Variants in NLGN4Y observed in about 807,000 individuals in gnomAD.
NLGN4Y encodes neuroligin-4, Y-linked.
In NLGN4Y, 4 loss-of-function variants were observed where a neutral mutation model predicts 8.4. The ratio of observed to expected loss-of-function variants is 0.48; its 90% confidence interval spans 0.23 to 1.09. The LOEUF (loss-of-function observed/expected upper bound fraction) is 1.09, where lower values mean the gene tolerates loss of function less well. NLGN4Y is among the 50% of genes least tolerant of loss of function. NLGN4Y has a pLI of 0.19. For synonymous variants in NLGN4Y, 35 were observed against 75.6 expected (o/e 0.46, Z 2.78); for missense variants, 90 against 192.3 (o/e 0.47, Z 3.15).
chrY:14,693,274 C>A (rs767328859), intron 2 of NLGN4Y, among the ~76,000 whole-genome samples: 104 of 33,055 alleles, frequency 3.1e-3, no homozygotes, highest in Non-Finnish European at 5.4e-3. Flanking sequence ...ACAACCTGAA[C>A]TGTGGTTGCT....
intron 2 of NLGN4Y, among the ~76,000 whole-genome samples, chrY:14,631,765 C>A: frequency 3.0e-5 from 1 of 33,874 alleles, no homozygotes; most frequent in Admixed American, 2.7e-4. Context: ...TTCCTACTTA[C>A]AAACACTGCT....
chrY:14,578,443 C>T, intron 1 of NLGN4Y, among the ~76,000 whole-genome samples: 1 of 33,125 alleles, frequency 3.0e-5, no homozygotes, highest in African/African-American at 1.2e-4. Flanking sequence ...CACAAATACC[C>T]GAGATTGGAT....
chrY:14,644,079 A>G, intron 2 of NLGN4Y, among the ~76,000 whole-genome samples: 1 of 33,145 alleles, frequency 3.0e-5, no homozygotes, highest in Non-Finnish European at 7.4e-5. Context: ...GTTGTTTGTT[A>G]ATGTTTGTTT....
chrY:14,604,971 T>G, intron 1 of NLGN4Y, among the ~76,000 whole-genome samples: 1 of 33,686 alleles, frequency 3.0e-5, no homozygotes. Context: ...TTTATTACCT[T>G]GAACATATTC....
intron 4 of NLGN4Y, among the ~76,000 whole-genome samples, chrY:14,771,973 AG>A (rs2081109215): frequency 3.0e-5 from 1 of 33,453 alleles, no homozygotes; most frequent in Admixed American, 2.7e-4. Context: ...AAAGGTCTAA[AG>A]TCAACAACCT....
chrY:14,784,393 G>A, intron 4 of NLGN4Y, among the ~76,000 whole-genome samples: 1 of 33,500 alleles, frequency 3.0e-5, no homozygotes, highest in Non-Finnish European at 7.4e-5. Context: ...GGGCGCGGTG[G>A]CTCACGCCTG....
At chrY:14,802,855 CAT>C (rs2043041781) in intron 4 of NLGN4Y, among the ~76,000 whole-genome samples, 2 of 20,483 alleles carry the variant, frequency 9.8e-5, no homozygotes. Context: ...AAATATATAT[CAT>C]ATATAAAATA....
chrY:14,744,840 C>T, intron 4 of NLGN4Y, among the ~76,000 whole-genome samples: 2 of 33,571 alleles, frequency 6.0e-5, no homozygotes, highest in African/African-American at 2.3e-4. Context: ...TGGGGTAAAA[C>T]CTTTTATAGT....
intron 1 of NLGN4Y, among the ~76,000 whole-genome samples, chrY:14,534,969 A>G (rs2080126999): frequency 2.1e-4 from 7 of 33,515 alleles, no homozygotes; most frequent in African/African-American, 8.2e-4. Flanking sequence ...ATGTAGTTCA[A>G]TTTTAACTCC....
intron 6 of NLGN4Y, among the ~76,000 whole-genome samples, chrY:14,837,719 T>C (rs2043202253): frequency 8.8e-5 from 3 of 33,943 alleles, no homozygotes; most frequent in Non-Finnish European, 2.2e-4. Flanking sequence ...AGATCTTTAA[T>C]AGACAGATTA....
chrY:14,574,178 G>A (rs1603500145), intron 1 of NLGN4Y, among the ~76,000 whole-genome samples: 1 of 32,919 alleles, frequency 3.0e-5, no homozygotes, highest in African/African-American at 1.2e-4. Context: ...GCTGATCTGT[G>A]TAATGTTGAC....
chrY:14,831,739 AATAG>A (rs2043180414), intron 6 of NLGN4Y, among the ~76,000 whole-genome samples: 72 of 31,533 alleles, frequency 2.3e-3, no homozygotes, highest in Non-Finnish European at 1.7e-3. Context: ...TTGCTGTATA[AATAG>A]ATAGAGAGCA....
intron 1 of NLGN4Y, among the ~76,000 whole-genome samples, chrY:14,545,708 A>C: frequency 3.0e-5 from 1 of 32,821 alleles, no homozygotes. Flanking sequence ...AGGTTGCAAA[A>C]ATTTTCTCCC....
At chrY:14,616,576 T>C (rs2080489864) in intron 1 of NLGN4Y, among the ~76,000 whole-genome samples, 1 of 33,315 alleles carries the variant, frequency 3.0e-5, no homozygotes, top group African/African-American at 1.2e-4. Context: ...CTTGTGGGCA[T>C]TTAGTGCTAT....
chrY:14,568,522 T>G, intron 1 of NLGN4Y, among the ~76,000 whole-genome samples: 1 of 33,606 alleles, frequency 3.0e-5, no homozygotes, highest in Non-Finnish European at 7.4e-5. Flanking sequence ...AAAATCATGT[T>G]AATCATTGGT....
intron 1 of NLGN4Y, among the ~76,000 whole-genome samples, chrY:14,578,734 G>A: frequency 3.0e-5 from 1 of 33,200 alleles, no homozygotes; most frequent in African/African-American, 1.2e-4. Context: ...ATCACCTCCC[G>A]CCAGGCACCA....
chrY:14,549,081 C>T, intron 1 of NLGN4Y, among the ~76,000 whole-genome samples: 2 of 32,647 alleles, frequency 6.1e-5, no homozygotes, highest in Non-Finnish European at 1.5e-4. Flanking sequence ...CTGCCCAAAA[C>T]TCAATTCAGT....
intron 4 of NLGN4Y, among the ~76,000 whole-genome samples, chrY:14,738,157 G>T (rs2080996122): frequency 3.1e-5 from 1 of 32,039 alleles, no homozygotes; most frequent in African/African-American, 1.2e-4. Context: ...GTATTGTGGA[G>T]TACAGTTCAA....
At chrY:14,568,546 T>A in intron 1 of NLGN4Y, among the ~76,000 whole-genome samples, 1 of 33,415 alleles carries the variant, frequency 3.0e-5, no homozygotes, top group Non-Finnish European at 7.4e-5. Context: ...AGTAGCATCT[T>A]TGCCAGATAA....
Sources: allele counts gnomAD v4.1 joint callset (sites outside exome capture counted in the v4.1 genomes callset), GRCh38; gene constraint gnomAD v4.1.1; transcripts MANE v1.5; gene names NCBI Gene and HGNC (gene_info 2026-07-23, HGNC 2026-07-21).